The following CELF2 variants were observed in gnomAD, a reference collection of about 807,000 sequenced individuals.
CELF2 encodes CUG triplet repeat RNA-binding protein 2.
Under a neutral mutation model 62.6 loss-of-function variants are expected in CELF2, and 8 were observed. The observed-to-expected ratio is 0.13, with a 90% CI of 0.07 to 0.23. The LOEUF (loss-of-function observed/expected upper bound fraction) is 0.23, where lower values mean the gene tolerates loss of function less well. CELF2 is among the 10% of genes least tolerant of loss of function. CELF2 has a pLI of 1.00. For missense variants in CELF2, 333 were observed against 671.0 expected (o/e 0.50, Z 5.56); for synonymous variants, 258 against 250.0 (o/e 1.03, Z -0.30).
At chr10:10,843,740 C>G (rs1255691255) in intron 1 of CELF2, among the ~76,000 whole-genome samples, 4 of 151,968 alleles carry the variant, frequency 2.6e-5, no homozygotes, top group Non-Finnish European at 5.9e-5. Context: ...ACATGATCTA[C>G]TGATAGAAGG....
Position 11,221,884 on chromosome 10 carries a change from A to G in CELF2, c.354+4377A>G, listed in dbSNP as rs560396599. Among the ~76,000 whole-genome samples the G allele has an allele frequency of 8.5e-5, 13 of 152,368 alleles. No homozygotes were observed. The South Asian group carries it at 2.3e-3, about 27-fold the overall frequency. The stretch of plus-strand genomic sequence containing the variant: ...CATTTTAGCAGCAGCATGCCAAAAG[A>G]TGTTTTACAATAACCCATGCAAGGT... On this transcript the variant is annotated intron_variant, in intron 3 of 12. Transcript: ENST00000633077.
chr10:11,056,266 G>A (rs2065218551), intron 1 of CELF2, among the ~76,000 whole-genome samples: 1 of 152,176 alleles, frequency 6.6e-6, no homozygotes, highest in Non-Finnish European at 1.5e-5. Context: ...TCATATTTGT[G>A]GGGTTATTCC....
chr10:11,294,563 C>T (rs1234913808), intron 9 of CELF2, among the ~76,000 whole-genome samples: 1 of 152,240 alleles, frequency 6.6e-6, no homozygotes, highest in Non-Finnish European at 1.5e-5. Flanking sequence ...GGCTAAGTGT[C>T]TCAGTCAGGC....
Position 11,114,449 on chromosome 10 carries a change from A to G in CELF2, c.75-51037A>G, listed in dbSNP as rs187772445. ...TCTAGATGCTGTGTCATATCTTTTTATAACACCAAATAAGGATTTGTCACA... is the reference window on the plus strand; with the variant it reads ...TCTAGATGCTGTGTCATATCTTTTTGTAACACCAAATAAGGATTTGTCACA... On this transcript the variant is annotated intron_variant, in intron 1 of 12. Coordinates refer to ENST00000633077, the MANE Select transcript of CELF2 (RefSeq NM_001326342.2). Among the ~76,000 whole-genome samples the G allele has an allele frequency of 3.4e-3, 525 of 152,360 alleles. 3 individuals are homozygous for G. Among genetic ancestry groups the G allele is most frequent in the Non-Finnish European group, 5.1e-3 (344 of 68,034 alleles).
At chr10:10,898,217 G>A (rs2062698187) in intron 1 of CELF2, among the ~76,000 whole-genome samples, 1 of 152,212 alleles carries the variant, frequency 6.6e-6, no homozygotes, top group Non-Finnish European at 1.5e-5. Flanking sequence ...AGACGGACAA[G>A]AATTTTCCCA....
At chr10:10,474,705 C>A in the CELF2 span, among the ~76,000 whole-genome samples, 23 of 152,208 alleles carry the variant, frequency 1.5e-4, no homozygotes, top group East Asian at 4.4e-3. Context: ...GGATAAAATT[C>A]TCTGCAGGAG....
In CELF2 at chr10:11,290,358, G is replaced by A. The variant is rs1012369011; in HGVS notation, c.976+1806G>A. 1.3e-5 allele frequency among the ~76,000 whole-genome samples: 2 copies of A among 152,142 alleles called. No homozygotes were observed. Among genetic ancestry groups the A allele is most frequent in the African/African-American group, 4.8e-5 (2 of 41,436 alleles). ...AGCCATGGCGCGTGTTGAGGCAGAG[G>A]ACAGAGCCAGTGGGTGGGGGAGAGC... On this transcript the variant is annotated intron_variant, in intron 9 of 12. Transcript: ENST00000633077. This position sits in a 1 kb window ranked among gnomAD's most constrained non-coding sequence, Gnocchi z 4.3.
the CELF2 span, among the ~76,000 whole-genome samples, chr10:10,664,345 GAAATAT>G: frequency 6.6e-6 from 1 of 152,070 alleles, no homozygotes; most frequent in Non-Finnish European, 1.5e-5. Flanking sequence ...AATGAATATA[GAAATAT>G]AAACACAAAG....
intron 2 of CELF2, among the ~76,000 whole-genome samples, chr10:10,967,715 C>T (rs1204407464): frequency 6.6e-6 from 1 of 152,100 alleles, no homozygotes; most frequent in Admixed American, 6.5e-5. Context: ...TGGCTGGAAG[C>T]TCCCAGTGGG....
chr10:10,607,415 G>A, the CELF2 span, among the ~76,000 whole-genome samples: 9 of 152,200 alleles, frequency 5.9e-5, no homozygotes, highest in Admixed American at 4.6e-4. Flanking sequence ...CAAACTACCA[G>A]TAGTTGAAAT....
chr10:11,321,526 A>C lies in CELF2; in HGVS notation c.1294+140A>C. On this transcript the variant is annotated intron_variant, in intron 11 of 12. Coordinates refer to ENST00000633077, the MANE Select transcript of CELF2 (RefSeq NM_001326342.2). The surrounding 1 kb of genome is among the most constrained non-coding windows in gnomAD (Gnocchi z 6.2). ...TGTTTTGTTATTCATGTTTAAAAAA[A>C]AAAAAAACTGAAAGCTGGGCATGGT... is the stretch of plus-strand genomic sequence containing the variant. 1.4e-6 allele frequency: 1 copy of C among 728,478 alleles called. No individual in the cohort carries two copies. Among genetic ancestry groups the C allele is most frequent in the Non-Finnish European group, 2.2e-6 (1 of 457,848 alleles). 45.1% of individuals were successfully genotyped at this position (728,478 alleles called of 1,614,324 possible).
the CELF2 span, among the ~76,000 whole-genome samples, chr10:10,539,325 AAACTGTTTTGTTTTTAC>A: frequency 1.3e-5 from 2 of 152,216 alleles, no homozygotes; most frequent in Admixed American, 6.5e-5. Context: ...CCATTAGAGA[AAACTGTTTTGTTTTTAC>A]AACTGTTTTG....
chr10:10,503,563 A>C, the CELF2 span, among the ~76,000 whole-genome samples: 8 of 151,816 alleles, frequency 5.3e-5, no homozygotes, highest in Non-Finnish European at 1.0e-4. Flanking sequence ...TTTGTATGAT[A>C]TATCTTTTTC....
At chr10:10,699,538 T>C in the CELF2 span, among the ~76,000 whole-genome samples, 1 of 152,208 alleles carries the variant, frequency 6.6e-6, no homozygotes, top group Admixed American at 6.5e-5. Context: ...CAGGAGGAAG[T>C]GACATTTGAT....
the CELF2 span, among the ~76,000 whole-genome samples, chr10:10,726,789 T>C: frequency 6.6e-6 from 1 of 152,254 alleles, no homozygotes; most frequent in Non-Finnish European, 1.5e-5. Context: ...TACCGCATAG[T>C]ATAGTAAGTG....
At chr10:11,167,182 C>G (rs1479008123) in intron 2 of CELF2, among the ~76,000 whole-genome samples, 1 of 152,146 alleles carries the variant, frequency 6.6e-6, no homozygotes, top group Admixed American at 6.5e-5. Context: ...TACTGGTTAC[C>G]TACATGTTTT....
At chr10:10,718,275 A>G in the CELF2 span, among the ~76,000 whole-genome samples, 7 of 152,148 alleles carry the variant, frequency 4.6e-5, no homozygotes, top group Admixed American at 2.6e-4. Flanking sequence ...AAACGCTTCC[A>G]TTCTGTGTGT....
rs35750059 is a variant in CELF2, at chr10:11,244,658, CA to C, written c.355-4482del. 2.7e-4 allele frequency among the ~76,000 whole-genome samples: 38 copies of C among 142,384 alleles called. No individual in the cohort carries two copies. The highest frequency in any genetic ancestry group is 3.6e-3 in the Middle Eastern group (1 of 276). The allele number at this position is 142,384 out of a possible 152,430, so 93.4% of individuals were successfully genotyped here. On this transcript the variant is annotated intron_variant, in intron 3 of 12. Coordinates refer to ENST00000633077, the MANE Select transcript of CELF2 (RefSeq NM_001326342.2). The surrounding 1 kb of genome is among the most constrained non-coding windows in gnomAD (Gnocchi z 4.2). ...TAGGTGACAGAGCAAGACTCCGTCT[CA>C]AAAAAAAAAAAACAGCATAAAAACA...
In CELF2 at chr10:11,165,404, C is replaced by T. The variant is rs541605085; in HGVS notation, c.75-82C>T. ...TCTTCTTCCTCCTCCTTCCGCCTCC[C>T]CGCTCCCCCACCCCCACTATTTTTT... On this transcript the variant is annotated intron_variant, in intron 1 of 12. Coordinates refer to ENST00000633077, the MANE Select transcript of CELF2 (RefSeq NM_001326342.2). The surrounding 1 kb of genome is among the most constrained non-coding windows in gnomAD (Gnocchi z 7.4). 1.2e-4 allele frequency: 184 copies of T among 1,534,666 alleles called. No individual in the cohort carries two copies. The African/African-American group carries it at 2.3e-3, about 20-fold the overall frequency.
Sources: allele counts gnomAD v4.1 joint callset (sites outside exome capture counted in the v4.1 genomes callset), GRCh38; gene constraint gnomAD v4.1.1; non-coding constraint Gnocchi (gnomAD v3.1); transcripts MANE v1.5; gene names NCBI Gene and HGNC (gene_info 2026-07-23, HGNC 2026-07-21).